The following XKRX variants were observed in gnomAD, a reference collection of about 807,000 sequenced individuals.
XKRX encodes the protein XK related X-linked.
Under a neutral mutation model 22.4 loss-of-function variants are expected in XKRX, and 11 were observed. That is an observed-to-expected ratio of 0.49 (90% CI 0.31 to 0.81). The LOEUF (loss-of-function observed/expected upper bound fraction) is 0.81, where lower values mean the gene tolerates loss of function less well. Ranked by LOEUF, XKRX falls within the 40% of genes least tolerant of loss-of-function variation. XKRX has a pLI of 0.05. For missense variants in XKRX, 320 were observed against 336.5 expected (o/e 0.95, Z 0.38); for synonymous variants, 114 against 132.2 (o/e 0.86, Z 0.94).
chrX:100,953,916 A>C, the XKRX span, among the ~76,000 whole-genome samples: 1 of 108,148 alleles, frequency 9.2e-6, no homozygotes, highest in Non-Finnish European at 1.9e-5. Context: ...AAAAAAAAAA[A>C]AAAAAAAAAA....
chrX:100,901,012 G>T, the XKRX span, among the ~76,000 whole-genome samples: 2 of 110,074 alleles, frequency 1.8e-5, no homozygotes, highest in Non-Finnish European at 3.8e-5. Context: ...GGATGGTCTC[G>T]ATCTCCTGAC....
At chrX:100,936,628 G>A in the XKRX span, among the ~76,000 whole-genome samples, 2 of 107,001 alleles carry the variant, frequency 1.9e-5, no homozygotes, top group Non-Finnish European at 3.9e-5. Context: ...AGGCCGGCTG[G>A]CCCAAGACTG....
chrX:100,905,805 A>G, the XKRX span, among the ~76,000 whole-genome samples: 2 of 112,321 alleles, frequency 1.8e-5, no homozygotes, highest in Non-Finnish European at 3.8e-5. Context: ...GAAAACAGGT[A>G]TTTTATATAT....
chrX:100,926,394 C>T (rs1370515270), intron 1 of XKRX, among the ~76,000 whole-genome samples: 2 of 112,037 alleles, frequency 1.8e-5, no homozygotes, highest in Non-Finnish European at 3.8e-5. Context: ...ATCGATTCCT[C>T]CCCACTTAAA....
chrX:100,895,008 C>T, the XKRX span, among the ~76,000 whole-genome samples: 2 of 111,667 alleles, frequency 1.8e-5, no homozygotes, highest in South Asian at 3.8e-4. Flanking sequence ...TAGAATAATT[C>T]GGATGTTAAC....
chrX:100,957,150 G>A, the XKRX span: 1 of 1,120,167 alleles, frequency 8.9e-7, no homozygotes, highest in Non-Finnish European at 1.2e-6. Flanking sequence ...GCCATCACCT[G>A]TGGAGCAGCA....
the XKRX span, among the ~76,000 whole-genome samples, chrX:100,950,368 C>T: frequency 5.4e-5 from 6 of 111,904 alleles, no homozygotes; most frequent in Non-Finnish European, 1.1e-4. Context: ...ATTATATGCA[C>T]CAAACAACAG....
At chrX:100,951,234 C>CAAAAA in the XKRX span, among the ~76,000 whole-genome samples, 1 of 25,480 alleles carries the variant, frequency 3.9e-5, no homozygotes, top group Non-Finnish European at 7.2e-5. Flanking sequence ...GGCTCCATCG[C>CAAAAA]AAAAAAAAAA....
rs2085507611 is a variant in XKRX, at chrX:100,928,407, G to A, written c.-103C>T. ...GCTACAGTCCAAGTATAGGTGAGGA[G>A]AGCTCTGTCAAGTCCAGTTTGGGAA... is the stretch of plus-strand genomic sequence containing the variant. On this transcript the variant is annotated 5_prime_UTR_variant, in exon 1 of 3. Transcript: ENST00000372956. 8.7e-7 allele frequency: 1 copy of A among 1,145,921 alleles called. No individual in the cohort carries two copies. Among genetic ancestry groups the A allele is most frequent in the Non-Finnish European group, 1.2e-6 (1 of 866,439 alleles). 94.4% of individuals were successfully genotyped at this position (1,145,921 alleles called of 1,213,427 possible).
Position 100,928,817 on chromosome X carries a change from AG to A in XKRX, c.-514del. 1.3e-6 allele frequency: 1 copy of A among 756,654 alleles called. No homozygotes were observed. 62.4% of individuals were successfully genotyped at this position (756,654 alleles called of 1,213,427 possible). A position where few individuals can be genotyped will look rare whatever the true frequency, so the allele number is the denominator to read the frequency against. ...GCAGAAGAGCGGGCGCAGAAGAAGG[AG>A]GGCAGAAGAGGGGATTCAGTTCAGT... On this transcript the variant is annotated 5_prime_UTR_variant, in exon 1 of 3. Coordinates refer to ENST00000372956, the MANE Select transcript of XKRX (RefSeq NM_212559.3).
chrX:100,946,930 C>A, the XKRX span, among the ~76,000 whole-genome samples: 1 of 112,067 alleles, frequency 8.9e-6, no homozygotes, highest in African/African-American at 3.2e-5. Context: ...ACCTGGTACA[C>A]CACCTGTGAC....
At chrX:100,900,930 C>T in the XKRX span, among the ~76,000 whole-genome samples, 1 of 108,514 alleles carries the variant, frequency 9.2e-6, no homozygotes. Flanking sequence ...GCTGGGACTA[C>T]AGGAGCCCAC....
chrX:100,920,489 G>T (rs1214962095), intron 2 of XKRX, among the ~76,000 whole-genome samples: 4 of 110,595 alleles, frequency 3.6e-5, no homozygotes, highest in Non-Finnish European at 5.7e-5. Flanking sequence ...TGGGGAGTGA[G>T]ATTACGTTTC....
upstream of XKRX, among the ~76,000 whole-genome samples, chrX:100,934,274 G>A (rs1017699902): frequency 4.5e-5 from 5 of 111,764 alleles, no homozygotes; most frequent in Admixed American, 9.6e-5. Flanking sequence ...ATTGGCACAA[G>A]GGGATGGGTG....
chrX:100,887,143 A>G, the XKRX span, among the ~76,000 whole-genome samples: 1 of 111,727 alleles, frequency 9.0e-6, no homozygotes, highest in African/African-American at 3.3e-5. Context: ...ATTCAATTAC[A>G]CCAAGGTTTC....
intron 2 of XKRX, among the ~76,000 whole-genome samples, chrX:100,917,025 A>G (rs1037660828): frequency 7.1e-5 from 8 of 112,188 alleles, no homozygotes; most frequent in Admixed American, 4.7e-4. Flanking sequence ...ATGCTGAGGC[A>G]GGAGAATTAC....
chrX:100,951,048 C>A, the XKRX span, among the ~76,000 whole-genome samples: 1 of 108,938 alleles, frequency 9.2e-6, no homozygotes, highest in African/African-American at 3.3e-5. Flanking sequence ...GCCTGACCAA[C>A]ATAGTGAAAC....
At chrX:100,915,176 G>A (rs1457949101) in intron 2 of XKRX, 93 bp from the exon 3 acceptor site, 6 of 981,521 alleles carry the variant, frequency 6.1e-6, no homozygotes, top group East Asian at 6.4e-5. Context: ...GAGAGATGAC[G>A]GGTGAGACTT....
At chrX:100,952,735 T>A in the XKRX span, among the ~76,000 whole-genome samples, 1 of 112,169 alleles carries the variant, frequency 8.9e-6, no homozygotes, top group East Asian at 2.8e-4. Flanking sequence ...AAGATTCCAT[T>A]TATATAACAT....
Sources: allele counts gnomAD v4.1 joint callset (sites outside exome capture counted in the v4.1 genomes callset), GRCh38; gene constraint gnomAD v4.1.1; transcripts MANE v1.5; gene names NCBI Gene and HGNC (gene_info 2026-07-23, HGNC 2026-07-21).